CCDC50: variants seen among roughly 807,000 people sequenced by gnomAD.
The protein encoded by CCDC50 is coiled-coil domain-containing protein 50.
In CCDC50, 54 loss-of-function variants were observed where a neutral mutation model predicts 70.2. The ratio of observed to expected loss-of-function variants is 0.77; its 90% CI spans 0.62 to 0.96. The LOEUF (loss-of-function observed/expected upper bound fraction) is 0.96, where lower values mean the gene tolerates loss of function less well. CCDC50 is among the 50% of genes least tolerant of loss of function. CCDC50 has a pLI of 0.00. For synonymous variants in CCDC50, 216 were observed against 198.8 expected (o/e 1.09, Z -0.73); for missense variants, 558 against 578.7 (o/e 0.96, Z 0.37).
intron 4 of CCDC50, among the ~76,000 whole-genome samples, chr3:191,363,750 G>A (rs569416559): frequency 8.1e-4 from 124 of 152,304 alleles, no homozygotes; most frequent in Non-Finnish European, 1.5e-3. Context: ...CAGTTGTATA[G>A]GTGTGTTGAC....
At chr3:191,382,562 A>G (rs751813109) in intron 9 of CCDC50, among the ~76,000 whole-genome samples, 184 bp from the exon 10 acceptor site, 1 of 151,954 alleles carries the variant, frequency 6.6e-6, no homozygotes, top group Non-Finnish European at 1.5e-5. Flanking sequence ...TAAATTTTCT[A>G]CCTCTGGAGT....
chr3:191,329,622 C>T lies in CCDC50; in HGVS notation c.-53C>T, dbSNP rs1287221967. Reference sequence around the variant, plus strand: ...CTGCGCTCGGGGCCCCGCTCGGCGCCGGCGGTGACCGGGAAGCCCGCGTTA... The same window carrying T: ...CTGCGCTCGGGGCCCCGCTCGGCGCTGGCGGTGACCGGGAAGCCCGCGTTA... On this transcript the variant is annotated 5_prime_UTR_variant, in exon 1 of 12. Transcript: ENST00000392455. 6.3e-6 allele frequency: 10 copies of T among 1,575,940 alleles called. No homozygotes were observed. The highest frequency in any genetic ancestry group is 8.6e-6 in the Non-Finnish European group (10 of 1,161,338).
intron 1 of CCDC50, among the ~76,000 whole-genome samples, chr3:191,342,324 G>C (rs1480980078): frequency 6.6e-6 from 1 of 152,124 alleles, no homozygotes; most frequent in Non-Finnish European, 1.5e-5. Flanking sequence ...AAGTAAAGTT[G>C]TTGGGGAATT....
rs116339797 is a variant in CCDC50, at chr3:191,342,910, A to C, written c.49+13187A>C. 7.5e-3 allele frequency among the ~76,000 whole-genome samples: 1,136 copies of C among 152,326 alleles called. 10 individuals carry two copies. The highest frequency in any genetic ancestry group is 0.025 in the African/African-American group (1,037 of 41,580). On this transcript the variant is annotated intron_variant, in intron 1 of 11. Transcript: ENST00000392455. ...ATCAGTGGCCTGTTTTTTTCGTAGA[A>C]TGTCTGACTACCTCCATGAGAATAA... is the stretch of plus-strand genomic sequence containing the variant.
At chr3:191,365,855 T>C (rs1294991993) in intron 4 of CCDC50, among the ~76,000 whole-genome samples, 1 of 152,196 alleles carries the variant, frequency 6.6e-6, no homozygotes, top group East Asian at 1.9e-4. Flanking sequence ...ATTTAAATGA[T>C]ATAAATCATA....
intron 1 of CCDC50, among the ~76,000 whole-genome samples, chr3:191,350,689 AT>A (rs1382403492): frequency 1.4e-5 from 2 of 141,938 alleles, no homozygotes; most frequent in African/African-American, 5.0e-5. Flanking sequence ...GAATCAGAAA[AT>A]TCTGGCTTTG....
intron 1 of CCDC50, among the ~76,000 whole-genome samples, chr3:191,337,482 T>C: frequency 6.6e-6 from 1 of 151,954 alleles, no homozygotes. Flanking sequence ...GTAGCTGGGA[T>C]TACAGTTGCC....
intron 4 of CCDC50, among the ~76,000 whole-genome samples, chr3:191,366,360 A>G (rs1394461062): frequency 1.3e-5 from 2 of 152,192 alleles, no homozygotes; most frequent in East Asian, 1.9e-4. Context: ...CCTTATGGTT[A>G]TGGTTTCAAA....
At chr3:191,361,907 C>G (rs1248701461) in intron 4 of CCDC50, among the ~76,000 whole-genome samples, 1 of 152,070 alleles carries the variant, frequency 6.6e-6, no homozygotes, top group African/African-American at 2.4e-5. Context: ...TGGGAGAGGC[C>G]AGGAGCAGGC....
Position 191,380,814 on chromosome 3 carries a change from T to C in CCDC50, c.1138-14T>C, listed in dbSNP as rs1207560590. ...CACCTCTGCAGTTAATGATATTGAC[T>C]GTATTTTGTTTAGGAAATCGCTCGA... On this transcript the variant is annotated splice_polypyrimidine_tract_variant and intron_variant, in intron 8 of 11. Transcript: ENST00000392455. 6.2e-7 allele frequency: 1 copy of C among 1,612,690 alleles called. No individual in the cohort carries two copies.
At chr3:191,363,166 TAGTA>T (rs1257626431) in intron 4 of CCDC50, among the ~76,000 whole-genome samples, 5 of 152,078 alleles carry the variant, frequency 3.3e-5, no homozygotes, top group Non-Finnish European at 7.4e-5. Context: ...ATAGTAATCA[TAGTA>T]AGTAATCTCA....
At chr3:191,344,630 T>C (rs1307233581) in intron 1 of CCDC50, among the ~76,000 whole-genome samples, 1 of 152,132 alleles carries the variant, frequency 6.6e-6, no homozygotes, top group Non-Finnish European at 1.5e-5. Flanking sequence ...GCAGGCTGGA[T>C]TGCAGTAGCA....
intron 8 of CCDC50, 42 bp from the exon 9 acceptor site, chr3:191,380,786 C>G (rs1713289343): frequency 5.0e-6 from 8 of 1,606,776 alleles, no homozygotes; most frequent in Admixed American, 3.3e-5. Context: ...ATATTTCTAT[C>G]TGCACCTCTG....
rs537409720 is a variant in CCDC50 at position 191,346,339 on chromosome 3, C to T, written c.50-10749C>T. On this transcript the variant is annotated intron_variant, in intron 1 of 11. Transcript: ENST00000392455. Reference sequence around the variant, plus strand: ...TTGGAAAATATAGAAGTGTTTAAAACGGAAGATAAGCTACATTGTAATCTC... The same window carrying T: ...TTGGAAAATATAGAAGTGTTTAAAATGGAAGATAAGCTACATTGTAATCTC... Among the ~76,000 whole-genome samples, 11 of 152,238 alleles carry T rather than the reference C, an allele frequency of 7.2e-5. No homozygotes were observed. In the South Asian group the frequency reaches 2.3e-3, roughly 32 times the overall value.
At position 191,389,607 on chromosome 3, in the gene CCDC50, GAA is replaced by G. The variant is rs754614593; in HGVS notation, c.1429+6_1429+7del. Reference sequence around the variant, plus strand: ...AATCAGAGTCCTCTCATAAAGGTAAGAAGAGTATGTATGGTCAAGTTTAGGAT... The same window carrying G: ...AATCAGAGTCCTCTCATAAAGGTAAGGAGTATGTATGGTCAAGTTTAGGAT... On this transcript the variant is annotated splice_donor_region_variant and intron_variant, in intron 11 of 11. Transcript: ENST00000392455. 6.9e-6 allele frequency: 11 copies of G among 1,600,470 alleles called. No homozygotes were observed. In the South Asian group the frequency reaches 1.2e-4, roughly 18 times the overall value.
At chr3:191,365,088 A>ATGTTTG (rs1712635291) in intron 4 of CCDC50, among the ~76,000 whole-genome samples, 1 of 151,474 alleles carries the variant, frequency 6.6e-6, no homozygotes, top group Non-Finnish European at 1.5e-5. Flanking sequence ...GCATGACTAG[A>ATGTTTG]TGTGTGTGTG....
At chr3:191,385,652 A>T (rs1206473347) in intron 10 of CCDC50, among the ~76,000 whole-genome samples, 2 of 150,734 alleles carry the variant, frequency 1.3e-5, no homozygotes, top group African/African-American at 4.8e-5. Flanking sequence ...TAGTTACATT[A>T]AGTCCTATTT....
chr3:191,338,801 C>T (rs1384572596), intron 1 of CCDC50, among the ~76,000 whole-genome samples: 1 of 152,126 alleles, frequency 6.6e-6, no homozygotes, highest in East Asian at 1.9e-4. Context: ...ATTGACAACA[C>T]CTGAAGTCAG....
chr3:191,362,504 G>A (rs1243807493), intron 4 of CCDC50, among the ~76,000 whole-genome samples: 4 of 152,076 alleles, frequency 2.6e-5, no homozygotes, highest in Non-Finnish European at 5.9e-5. Flanking sequence ...CTGTTATGCT[G>A]TACTTGGTCA....
Sources: gnomAD v4.1 joint callset for allele counts (sites outside exome capture counted in the v4.1 genomes callset) on GRCh38, gnomAD v4.1.1 for gene constraint, MANE v1.5 for transcripts, NCBI Gene and HGNC (gene_info 2026-07-23, HGNC 2026-07-21) for gene names.